CFTR: variants seen among roughly 807,000 people sequenced by gnomAD.
CFTR encodes cystic fibrosis transmembrane conductance regulator.
A neutral mutation model predicts 171.6 loss-of-function variants in CFTR; 181 were observed. The observed-to-expected ratio is 1.05, with a 90% confidence interval of 0.93 to 1.19. CFTR has a LOEUF of 1.19. CFTR is among the 50% of genes most tolerant of loss of function. CFTR has a pLI of 0.00. For synonymous variants in CFTR, 583 were observed against 608.0 expected (o/e 0.96, Z 0.60); for missense variants, 1,968 against 1,734.7 (o/e 1.13, Z -2.39).
intron 22 of CFTR, among the ~76,000 whole-genome samples, chr7:117,633,827 C>T (rs1233108783): frequency 1.3e-5 from 2 of 151,868 alleles, no homozygotes; most frequent in African/African-American, 4.8e-5. Context: ...GCTGAATCAA[C>T]CTTTTGTACC....
chr7:117,625,351 C>T (rs1792635896), intron 21 of CFTR, among the ~76,000 whole-genome samples: 2 of 152,158 alleles, frequency 1.3e-5, no homozygotes, highest in African/African-American at 4.8e-5. Flanking sequence ...TCTGGATTCA[C>T]CCTCTATGGT....
intron 13 of CFTR, 146 bp downstream of exon 13, chr7:117,590,585 C>A: frequency 9.7e-7 from 1 of 1,032,732 alleles, no homozygotes; most frequent in Non-Finnish European, 1.4e-6. Flanking sequence ...TAACTCAAAT[C>A]TGATCTGCCC....
intron 1 of CFTR, among the ~76,000 whole-genome samples, chr7:117,497,257 AAAT>A (rs1798254407): frequency 1.3e-5 from 2 of 152,204 alleles, no homozygotes; most frequent in Non-Finnish European, 2.9e-5. Flanking sequence ...GGATCAGATG[AAAT>A]AATGTATGTG....
chr7:117,515,438 A>T (rs1584778831), intron 3 of CFTR, among the ~76,000 whole-genome samples: 2 of 151,782 alleles, frequency 1.3e-5, no homozygotes, highest in African/African-American at 2.4e-5. Flanking sequence ...TTTTTGTCAG[A>T]TTTGTCGAAG....
rs549143395 is a variant in CFTR, at chr7:117,513,761, A to G, written c.273+4619A>G. 7.9e-5 allele frequency among the ~76,000 whole-genome samples: 12 copies of G among 152,238 alleles called. No homozygotes were observed. The South Asian group carries it at 2.1e-3, about 26-fold the overall frequency. On this transcript the variant is annotated intron_variant, in intron 3 of 26. Transcript: ENST00000003084. Reference sequence around the variant, plus strand: ...CAAATCTTCTAAATGTCTGCCATGTAGAATTCCTTTCTCATCTTTCTGTCT... The same window carrying G: ...CAAATCTTCTAAATGTCTGCCATGTGGAATTCCTTTCTCATCTTTCTGTCT...
At chr7:117,597,545 A>G (rs1413485863) in intron 15 of CFTR, among the ~76,000 whole-genome samples, 1 of 152,250 alleles carries the variant, frequency 6.6e-6, no homozygotes. Context: ...GATATGTGCC[A>G]CCACCAATAA....
In CFTR at chr7:117,547,946, C is replaced by T. The variant is rs1799190089; in HGVS notation, c.1210-695C>T. Among the ~76,000 whole-genome samples the T allele has an allele frequency of 2.6e-5, 4 of 152,270 alleles. No individual in the cohort carries two copies. The South Asian group carries it at 8.3e-4, about 32-fold the overall frequency. Reference sequence around the variant, plus strand: ...GTGCATCTGCTTCCTCCTGATCAATCTTTAGGACTGTTTACTTTGATTTGA... The same window carrying T: ...GTGCATCTGCTTCCTCCTGATCAATTTTTAGGACTGTTTACTTTGATTTGA... On this transcript the variant is annotated intron_variant, in intron 9 of 26. Coordinates refer to ENST00000003084, the MANE Select transcript of CFTR (RefSeq NM_000492.4).
At chr7:117,561,654 T>C (rs1799467079) in intron 11 of CFTR, among the ~76,000 whole-genome samples, 1 of 152,168 alleles carries the variant, frequency 6.6e-6, no homozygotes, top group Non-Finnish European at 1.5e-5. Context: ...AAGACTTGCT[T>C]TATTTTATAC....
Position 117,497,758 on chromosome 7 carries a change from TAGTG to T in CFTR, c.54-6492_54-6489del, listed in dbSNP as rs1484355699. Among the ~76,000 whole-genome samples, 14 of 152,204 alleles carry T rather than the reference TAGTG, an allele frequency of 9.2e-5. No individual in the cohort carries two copies. In the East Asian group the frequency reaches 2.7e-3, roughly 29 times the overall value. On this transcript the variant is annotated intron_variant, in intron 1 of 26. Transcript: ENST00000003084. ...TGATTTTATAGAAAATTAATATTGATAGTGAGCATTATATGAAAATCATGAAGTT... is the reference window on the plus strand; with the variant it reads ...TGATTTTATAGAAAATTAATATTGATAGCATTATATGAAAATCATGAAGTT...
At chr7:117,515,906 T>G (rs1273229313) in intron 3 of CFTR, among the ~76,000 whole-genome samples, 1 of 152,224 alleles carries the variant, frequency 6.6e-6, no homozygotes, top group Non-Finnish European at 1.5e-5. Context: ...TTGTTCTCTT[T>G]GTAGTGATTG....
intron 1 of CFTR, among the ~76,000 whole-genome samples, chr7:117,495,868 T>G (rs1433984119): frequency 1.3e-5 from 2 of 152,230 alleles, no homozygotes; most frequent in East Asian, 3.8e-4. Flanking sequence ...AATAATAGCT[T>G]TATTGAGATA....
intron 25 of CFTR, 98 bp downstream of exon 25, chr7:117,664,958 G>A: frequency 1.6e-6 from 2 of 1,262,640 alleles, no homozygotes; most frequent in East Asian, 4.6e-5. Flanking sequence ...TGTCATGTCT[G>A]CGTGTGGGGG....
chr7:117,597,296 C>T lies in CFTR; in HGVS notation c.2619+2238C>T, dbSNP rs1439036281. 2.6e-5 allele frequency among the ~76,000 whole-genome samples: 4 copies of T among 152,152 alleles called. No homozygotes were observed. The South Asian group carries it at 6.2e-4, about 24-fold the overall frequency. ...CATCAGAAGGAACAAACTCAGGACA[C>T]GCGGCCTTTAAGAACTATAACACTC... On this transcript the variant is annotated intron_variant, in intron 15 of 26. Transcript: ENST00000003084.
At chr7:117,643,545 G>C (rs1223883777) in intron 23 of CFTR, among the ~76,000 whole-genome samples, 5 of 152,070 alleles carry the variant, frequency 3.3e-5, no homozygotes, top group Non-Finnish European at 7.4e-5. Flanking sequence ...TGCTCAACTG[G>C]TGCTTTTAAT....
chr7:117,482,538 T>C (rs1362935893), intron 1 of CFTR, among the ~76,000 whole-genome samples: 2 of 152,090 alleles, frequency 1.3e-5, no homozygotes, highest in Non-Finnish European at 2.9e-5. Context: ...AGGTAGTTCA[T>C]GACTATCAGA....
intron 1 of CFTR, among the ~76,000 whole-genome samples, chr7:117,503,756 A>G (rs1015615338): frequency 5.9e-5 from 9 of 152,222 alleles, no homozygotes; most frequent in Admixed American, 3.9e-4. Context: ...CTCTCTGGCT[A>G]TAGTCATTCT....
At chr7:117,549,726 G>A (rs1382463774) in intron 10 of CFTR, among the ~76,000 whole-genome samples, 1 of 151,972 alleles carries the variant, frequency 6.6e-6, no homozygotes, top group Admixed American at 6.6e-5. Flanking sequence ...AAAGTTTAGT[G>A]GTCTCTTGAA....
intron 1 of CFTR, among the ~76,000 whole-genome samples, chr7:117,482,822 A>G (rs1196297188): frequency 1.3e-5 from 2 of 152,168 alleles, no homozygotes; most frequent in Non-Finnish European, 2.9e-5. Flanking sequence ...TTTAGTTGTA[A>G]GAGTGTATAT....
chr7:117,581,067 C>G (rs1215849365), intron 11 of CFTR, among the ~76,000 whole-genome samples: 1 of 152,104 alleles, frequency 6.6e-6, no homozygotes. Flanking sequence ...ATAAAAATAT[C>G]ATAGTACAAT....
Sources: gnomAD v4.1 joint callset for allele counts (sites outside exome capture counted in the v4.1 genomes callset) on GRCh38, gnomAD v4.1.1 for gene constraint, MANE v1.5 for transcripts, NCBI Gene and HGNC (gene_info 2026-07-23, HGNC 2026-07-21) for gene names.